Variants in PLAGL2 observed in about 807,000 individuals in gnomAD.
PLAGL2 encodes zinc finger protein PLAGL2.
In PLAGL2, 7 loss-of-function variants were observed where a neutral mutation model predicts 29.0. The ratio of observed to expected loss-of-function variants is 0.24; its 90% confidence interval spans 0.14 to 0.45. PLAGL2 has a LOEUF of 0.45. Ranked by LOEUF, PLAGL2 falls within the 20% of genes least tolerant of loss-of-function variation. PLAGL2 has a pLI of 0.99. For missense variants in PLAGL2, 454 were observed against 648.2 expected (o/e 0.70, Z 3.25); for synonymous variants, 234 against 266.0 (o/e 0.88, Z 1.17).
rs566256312 is a variant in PLAGL2, at chr20:32,193,238, A to T, written c.*3214T>A. 6.6e-6 allele frequency: 1 copy of T among 152,346 alleles called. No homozygotes were observed. Among genetic ancestry groups the T allele is most frequent in the South Asian group, 2.1e-4 (1 of 4,828 alleles). 9.4% of individuals were successfully genotyped at this position (152,346 alleles called of 1,614,324 possible). A position where few individuals can be genotyped will look rare whatever the true frequency, so the allele number is the denominator to read the frequency against. On this transcript the variant is annotated 3_prime_UTR_variant, in exon 3 of 3. Transcript: ENST00000246229. ...AGAGGACGGAGAAAACAGCTACCAA[A>T]AAGGGAGGGGGGAGTTTAAAGGACT...
At chr20:32,203,489 C>T (rs2047270005) in intron 1 of PLAGL2, among the ~76,000 whole-genome samples, 1 of 152,220 alleles carries the variant, frequency 6.6e-6, no homozygotes, top group Non-Finnish European at 1.5e-5. Context: ...CCACAGATTA[C>T]CAACCACGAT....
chr20:32,200,950 T>C (rs2047256435), intron 2 of PLAGL2, among the ~76,000 whole-genome samples: 3 of 152,184 alleles, frequency 2.0e-5, no homozygotes, highest in African/African-American at 7.2e-5. Flanking sequence ...AAGCTGCTCT[T>C]CTCTATCTGC....
chr20:32,196,521 G>A lies in PLAGL2; in HGVS notation c.1422C>T (p.Ser474=), dbSNP rs146519896. ...GGPLNFGPLH[S]LPPVFTSGLS... is the part of the protein sequence containing the mutation. The stretch of plus-strand genomic sequence containing the variant: ...GGCCAGACGTGAAGACAGGAGGCAA[G>A]GAGTGCAGAGGCCCAAAGTTCAGTG... The change falls in exon 3 of 3, where the codon TCC becomes TCT. Residue 474 remains serine (S), a synonymous_variant. Transcript: ENST00000246229. 1.8e-4 allele frequency: 272 copies of A among 1,525,762 alleles called. No individual in the cohort carries two copies. Among genetic ancestry groups the A allele is most frequent in the Non-Finnish European group, 2.2e-4 (252 of 1,140,704 alleles). 94.5% of individuals were successfully genotyped at this position (1,525,762 alleles called of 1,614,324 possible).
At chr20:32,206,029 C>A (rs984207016) in intron 1 of PLAGL2, among the ~76,000 whole-genome samples, 1 of 152,188 alleles carries the variant, frequency 6.6e-6, no homozygotes. Context: ...CAATTCAACA[C>A]CTGCCGGAGG....
chr20:32,193,680 T>C lies in PLAGL2; in HGVS notation c.*2772A>G, dbSNP rs1189338396. ...TGGGCAGATGCCCCTCAGGTTCTCA[T>C]GGCCTCAGTAAGCATACTGAAGTGA... On this transcript the variant is annotated 3_prime_UTR_variant, in exon 3 of 3. Transcript: ENST00000246229. The C allele has an allele frequency of 6.6e-6, 1 of 152,242 alleles. No individual in the cohort carries two copies. Among genetic ancestry groups the C allele is most frequent in the Non-Finnish European group, 1.5e-5 (1 of 68,050 alleles). 9.4% of individuals were successfully genotyped at this position (152,242 alleles called of 1,614,324 possible).
chr20:32,205,635 C>T (rs971603177), intron 1 of PLAGL2, among the ~76,000 whole-genome samples: 2 of 152,276 alleles, frequency 1.3e-5, no homozygotes, highest in South Asian at 2.1e-4. Flanking sequence ...ATAGAAACTG[C>T]GTTCTTTCTC....
In PLAGL2 at chr20:32,196,333, G is replaced by T. The variant is rs1600372823; in HGVS notation, c.*119C>A. 2.8e-6 allele frequency: 2 copies of T among 720,492 alleles called. No individual in the cohort carries two copies. Among genetic ancestry groups the T allele is most frequent in the East Asian group, 2.9e-5 (1 of 34,500 alleles). The allele number at this position is 720,492 out of a possible 1,614,324, so 44.6% of individuals were successfully genotyped here. A position where few individuals can be genotyped will look rare whatever the true frequency, so the allele number is the denominator to read the frequency against. Reference sequence around the variant, plus strand: ...CAAGTGCTCCTGTATACAGACACTGGAATTTTTTTTTTTGAACCCAGCTCT... The same window carrying T: ...CAAGTGCTCCTGTATACAGACACTGTAATTTTTTTTTTTGAACCCAGCTCT... On this transcript the variant is annotated 3_prime_UTR_variant, in exon 3 of 3. Transcript: ENST00000246229.
Position 32,197,467 on chromosome 20 carries a change from T to A in PLAGL2, c.476A>T (p.Lys159Met). Residue 159 changes from lysine to methionine, a missense_variant, in exon 3 of 3, where the codon AAG becomes ATG. Lys to Met is a moderately conservative substitution (Grantham distance 95). Around this residue, in one of 4 missense-constraint regions of PLAGL2, gnomAD observed 111 missense variants for 173.1 expected, o/e 0.64. Coordinates refer to ENST00000246229, the MANE Select transcript of PLAGL2 (RefSeq NM_002657.3). The surrounding 1 kb of genome is among the most constrained non-coding windows in gnomAD (Gnocchi z 6.6). ...HAASSGDLSC[K>M]VCLQTFESTQ... ...ACTCTCAAAGGTCTGCAGGCACACCTTGCAGCTGAGGTCACCGCTGCTGGC... is the reference window on the plus strand; with the variant it reads ...ACTCTCAAAGGTCTGCAGGCACACCATGCAGCTGAGGTCACCGCTGCTGGC... 1 of 1,613,348 alleles carries A rather than the reference T, an allele frequency of 6.2e-7. No individual in the cohort carries two copies. Among genetic ancestry groups the A allele is most frequent in the Non-Finnish European group, 8.5e-7 (1 of 1,180,016 alleles).
chr20:32,198,843 T>C (rs192264777), intron 2 of PLAGL2, among the ~76,000 whole-genome samples: 102 of 152,210 alleles, frequency 6.7e-4, no homozygotes, highest in African/African-American at 2.4e-3. Context: ...TGACTTCGAG[T>C]GTGAGGATCA....
intron 1 of PLAGL2, among the ~76,000 whole-genome samples, chr20:32,206,536 A>AC (rs2047288511): frequency 6.6e-6 from 1 of 151,972 alleles, no homozygotes; most frequent in African/African-American, 2.4e-5. Flanking sequence ...GTGATTCGAC[A>AC]CCCCCGCTCC....
intron 1 of PLAGL2, among the ~76,000 whole-genome samples, chr20:32,204,545 G>C (rs2047276121): frequency 6.6e-6 from 1 of 152,174 alleles, no homozygotes; most frequent in Non-Finnish European, 1.5e-5. Flanking sequence ...ACAAAGAAAA[G>C]AGCCAACACC....
chr20:32,200,428 C>T (rs1350570135), intron 2 of PLAGL2, among the ~76,000 whole-genome samples: 2 of 151,668 alleles, frequency 1.3e-5, no homozygotes, highest in South Asian at 2.1e-4. Context: ...TTAGTAGAGA[C>T]GGGGTTTCAC....
chr20:32,200,902 C>T (rs2047256216), intron 2 of PLAGL2, among the ~76,000 whole-genome samples: 1 of 152,210 alleles, frequency 6.6e-6, no homozygotes, highest in African/African-American at 2.4e-5. Context: ...CCCAAAATTG[C>T]TTTTGACCAT....
At chr20:32,199,849 A>G (rs1406877274) in intron 2 of PLAGL2, among the ~76,000 whole-genome samples, 5 of 151,868 alleles carry the variant, frequency 3.3e-5, no homozygotes, top group Admixed American at 2.0e-4. Flanking sequence ...AAAAAAAAAG[A>G]AAAAAAAGAA....
At chr20:32,200,367 G>C (rs1226885784) in intron 2 of PLAGL2, among the ~76,000 whole-genome samples, 2 of 152,104 alleles carry the variant, frequency 1.3e-5, no homozygotes, top group Non-Finnish European at 2.9e-5. Context: ...CCTCCCGGTA[G>C]CTGGGACTAC....
At chr20:32,202,705 C>T (rs561412582) in intron 1 of PLAGL2, among the ~76,000 whole-genome samples, 58 of 152,194 alleles carry the variant, frequency 3.8e-4, no homozygotes, top group Non-Finnish European at 7.6e-4. Flanking sequence ...CTTCTTATTA[C>T]CCTGGCACCT....
chr20:32,201,780 T>C (rs2047260719), intron 2 of PLAGL2, 139 bp downstream of exon 2: 4 of 668,258 alleles, frequency 6.0e-6, no homozygotes, highest in Admixed American at 3.0e-5. Flanking sequence ...CTTCAACTGT[T>C]TGGCATTCAG....
intron 2 of PLAGL2, among the ~76,000 whole-genome samples, chr20:32,201,644 G>A (rs546285889): frequency 1.3e-5 from 2 of 152,232 alleles, no homozygotes; most frequent in African/African-American, 2.4e-5. Context: ...CACCCAGATC[G>A]TCACTAAGAA....
chr20:32,206,992 G>C (rs551436468), intron 1 of PLAGL2, among the ~76,000 whole-genome samples: 3 of 152,128 alleles, frequency 2.0e-5, no homozygotes, highest in Admixed American at 2.0e-4. Context: ...CTGGAAGGCT[G>C]GGGGGATGGG....
Sources: gnomAD v4.1 joint callset for allele counts (sites outside exome capture counted in the v4.1 genomes callset) on GRCh38, gnomAD v4.1.1 for gene constraint, gnomAD v4.1.1 regional missense constraint, Gnocchi (gnomAD v3.1) non-coding constraint, MANE v1.5 for transcripts, NCBI Gene and HGNC (gene_info 2026-07-23, HGNC 2026-07-21) for gene names.